ALLC: variants seen among roughly 807,000 people sequenced by gnomAD.
The protein encoded by ALLC is probable inactive allantoicase.
Under a neutral mutation model 45.0 loss-of-function variants are expected in ALLC, and 40 were observed. The ratio of observed to expected loss-of-function variants is 0.89; its 90% CI spans 0.69 to 1.16. ALLC has a LOEUF of 1.16. ALLC is among the 50% of genes most tolerant of loss of function. The pLI is 0.00. For missense variants in ALLC, 488 were observed against 493.1 expected (o/e 0.99, Z 0.10); for synonymous variants, 176 against 178.1 (o/e 0.99, Z 0.09).
chr2:3,661,191 A>G (rs894601589), intron 1 of ALLC, among the ~76,000 whole-genome samples: 7 of 152,170 alleles, frequency 4.6e-5, no homozygotes, highest in African/African-American at 1.7e-4. Flanking sequence ...GTGTGACTCC[A>G]AGGCTTGGAG....
At position 3,671,486 on chromosome 2, in the gene ALLC, G is replaced by A. The variant is rs1269949171; in HGVS notation, c.33+296G>A. On this transcript the variant is annotated intron_variant, in intron 2 of 11. Coordinates refer to ENST00000252505, the MANE Select transcript of ALLC (RefSeq NM_018436.4). ...CTCTAGTTAGATCTGAGGTCCTCTA[G>A]CTGGAGTTAAATCGGAGGTCCTCTG... 2.0e-5 allele frequency among the ~76,000 whole-genome samples: 3 copies of A among 152,280 alleles called. No homozygotes were observed. In the East Asian group the frequency reaches 5.8e-4, roughly 29 times the overall value.
chr2:3,697,257 C>T lies in ALLC; in HGVS notation c.742-91C>T, dbSNP rs1572533285. 4.4e-6 allele frequency: 4 copies of T among 904,052 alleles called. No homozygotes were observed. The East Asian group carries it at 9.7e-5, about 22-fold the overall frequency. 56.0% of individuals were successfully genotyped at this position (904,052 alleles called of 1,614,324 possible). Reference sequence around the variant, plus strand: ...CTTCTATAGTAAGAAATAAAAGAAACACGTCAACCTTTTTCACCTGTTGGT... The same window carrying T: ...CTTCTATAGTAAGAAATAAAAGAAATACGTCAACCTTTTTCACCTGTTGGT... On this transcript the variant is annotated intron_variant, in intron 9 of 11. Transcript: ENST00000252505.
In ALLC at chr2:3,684,639, G is replaced by A. The variant is rs1667278144; in HGVS notation, c.511+1565G>A. Among the ~76,000 whole-genome samples the A allele has an allele frequency of 3.9e-5, 6 of 152,054 alleles. No individual in the cohort carries two copies. In the South Asian group the frequency reaches 1.2e-3, roughly 32 times the overall value. On this transcript the variant is annotated intron_variant, in intron 7 of 11. Coordinates refer to ENST00000252505, the MANE Select transcript of ALLC (RefSeq NM_018436.4). ...TAGCTTAGCTCCCACTTATAACTGA[G>A]AACATATGATGTTTGCTTTTCCATT...
At chr2:3,657,190 C>T (rs533888818), upstream of ALLC, among the ~76,000 whole-genome samples, 2 of 151,990 alleles carry the variant, frequency 1.3e-5, no homozygotes, top group African/African-American at 2.4e-5. Flanking sequence ...AGGCGCTGGA[C>T]GCATCCTAAC....
chr2:3,678,985 G>A (rs1183963680), intron 4 of ALLC, among the ~76,000 whole-genome samples: 2 of 152,156 alleles, frequency 1.3e-5, no homozygotes, highest in Admixed American at 1.3e-4. Flanking sequence ...ATAAGCTGGG[G>A]ACTGGGCCAG....
intron 7 of ALLC, chr2:3,688,700 A>G (rs914141855): frequency 3.9e-5 from 6 of 155,298 alleles, no homozygotes; most frequent in Admixed American, 6.6e-5. Flanking sequence ...AGTGGGCTCA[A>G]CAACATAATC....
At chr2:3,665,851 A>T (rs376861359) in intron 1 of ALLC, among the ~76,000 whole-genome samples, 1 of 152,200 alleles carries the variant, frequency 6.6e-6, no homozygotes, top group Non-Finnish European at 1.5e-5. Flanking sequence ...GCTGGGTCAA[A>T]TTGAAGTGTT....
the ALLC span, among the ~76,000 whole-genome samples, chr2:3,647,557 G>A: frequency 1.8e-4 from 17 of 94,938 alleles, no homozygotes; most frequent in South Asian, 7.9e-4. Flanking sequence ...CCTGGGGGTC[G>A]CTCACCCATC....
At chr2:3,672,818 G>C (rs1666923582) in intron 2 of ALLC, among the ~76,000 whole-genome samples, 1 of 152,248 alleles carries the variant, frequency 6.6e-6, no homozygotes, top group South Asian at 2.1e-4. Flanking sequence ...TCTGGCTCTA[G>C]TGTGTAATGA....
chr2:3,691,557 C>G (rs1204263798), intron 7 of ALLC, among the ~76,000 whole-genome samples: 1 of 152,184 alleles, frequency 6.6e-6, no homozygotes, highest in East Asian at 1.9e-4. Flanking sequence ...GCCATCATAC[C>G]CAGCCTGTCC....
At chr2:3,646,669 G>C in the ALLC span, among the ~76,000 whole-genome samples, 1 of 152,166 alleles carries the variant, frequency 6.6e-6, no homozygotes, top group Non-Finnish European at 1.5e-5. Context: ...CTTCATTGGC[G>C]CAGACTCTGT....
chr2:3,702,669 A>C lies in ALLC; in HGVS notation c.*106A>C, dbSNP rs1253087514. On this transcript the variant is annotated 3_prime_UTR_variant, in exon 12 of 12. Coordinates refer to ENST00000252505, the MANE Select transcript of ALLC (RefSeq NM_018436.4). ...TGATTTAATAAAGTGGTCGTCTCAC[A>C]AATTGATCTCTGTATTTAATGTTGC... 8.1e-7 allele frequency: 1 copy of C among 1,236,694 alleles called. No individual in the cohort carries two copies. The highest frequency in any genetic ancestry group is 1.5e-5 in the African/African-American group (1 of 65,296). 76.6% of individuals were successfully genotyped at this position (1,236,694 alleles called of 1,614,324 possible). A position where few individuals can be genotyped will look rare whatever the true frequency, so the allele number is the denominator to read the frequency against.
At chr2:3,702,159 T>C (rs1417066936) in intron 11 of ALLC, among the ~76,000 whole-genome samples, 3 of 152,238 alleles carry the variant, frequency 2.0e-5, no homozygotes, top group East Asian at 1.9e-4. Context: ...CAATTGTTTA[T>C]TGGGGCCTGC....
the ALLC span, among the ~76,000 whole-genome samples, chr2:3,650,664 G>A: frequency 6.6e-6 from 1 of 152,266 alleles, no homozygotes; most frequent in South Asian, 2.1e-4. Context: ...ACTTGTCTGG[G>A]GCTCAGTTTA....
chr2:3,684,771 A>G (rs545294141), intron 7 of ALLC, among the ~76,000 whole-genome samples: 4 of 152,230 alleles, frequency 2.6e-5, no homozygotes, highest in Non-Finnish European at 4.4e-5. Flanking sequence ...TGGTATATGT[A>G]TATATACCAT....
chr2:3,681,795 A>G, intron 6 of ALLC, 82 bp downstream of exon 6: 1 of 1,164,570 alleles, frequency 8.6e-7, no homozygotes, highest in Non-Finnish European at 1.2e-6. Context: ...TGGCTGTGCA[A>G]GGCGATTCTT....
Position 3,678,550 on chromosome 2 carries a change from T to A in ALLC, c.167T>A (p.Ile56Asn). The change falls in exon 4 of 12, where the codon ATT becomes AAT. Residue 56 changes from isoleucine to asparagine, a missense_variant. Coordinates refer to ENST00000252505, the MANE Select transcript of ALLC (RefSeq NM_018436.4). ...MDGWETRRKR[I>N]PGHDWCVLRL... ...GGCTGGGAGACCAGGAGGAAAAGGA[T>A]TCCAGGTAATAACAACGGTTCGTTC... The A allele has an allele frequency of 6.2e-7, 1 of 1,613,640 alleles. No homozygotes were observed. Among genetic ancestry groups the A allele is most frequent in the Non-Finnish European group, 8.5e-7 (1 of 1,179,564 alleles).
At chr2:3,660,748 G>C (rs1666552299) in intron 1 of ALLC, among the ~76,000 whole-genome samples, 1 of 152,028 alleles carries the variant, frequency 6.6e-6, no homozygotes, top group South Asian at 2.1e-4. Flanking sequence ...GAGAGTGATG[G>C]GGTGAGTGGT....
At chr2:3,659,293 AG>A (rs1265468308) in intron 1 of ALLC, among the ~76,000 whole-genome samples, 2 of 152,160 alleles carry the variant, frequency 1.3e-5, no homozygotes, top group Non-Finnish European at 2.9e-5. Flanking sequence ...TAATCTCAAA[AG>A]AAAAAATAGT....
Sources: gnomAD v4.1 joint callset for allele counts (sites outside exome capture counted in the v4.1 genomes callset) on GRCh38, gnomAD v4.1.1 for gene constraint, MANE v1.5 for transcripts, NCBI Gene and HGNC (gene_info 2026-07-23, HGNC 2026-07-21) for gene names.